VPS13B: variants seen among roughly 807,000 people sequenced by gnomAD.
VPS13B encodes the protein intermembrane lipid transfer protein VPS13B.
In VPS13B, 285 loss-of-function variants were observed where a neutral mutation model predicts 426.4. The observed-to-expected ratio is 0.67, with a 90% CI of 0.61 to 0.74. VPS13B has a LOEUF of 0.74. Ranked by LOEUF, VPS13B falls within the 30% of genes least tolerant of loss-of-function variation. The pLI is 0.00. For missense variants in VPS13B, 4,537 were observed against 4,782.6 expected (o/e 0.95, Z 1.51); for synonymous variants, 1,676 against 1,676.4 (o/e 1.00, Z 0.01).
intron 36 of VPS13B, among the ~76,000 whole-genome samples, chr8:99,710,973 C>T (rs771117529): frequency 1.3e-5 from 2 of 152,062 alleles, no homozygotes; most frequent in Non-Finnish European, 1.5e-5. Flanking sequence ...CACTGTACAC[C>T]AGCCTGGGCG....
At chr8:99,023,819 A>G (rs932508096) in intron 2 of VPS13B, among the ~76,000 whole-genome samples, 2 of 152,176 alleles carry the variant, frequency 1.3e-5, no homozygotes, top group African/African-American at 4.8e-5. Context: ...TTGTAGATGG[A>G]TAGTTAGGTT....
At chr8:99,248,239 G>A (rs984555439) in intron 17 of VPS13B, among the ~76,000 whole-genome samples, 5 of 152,114 alleles carry the variant, frequency 3.3e-5, no homozygotes, top group African/African-American at 1.2e-4. Flanking sequence ...GTGTGGCTGG[G>A]TTACGAAAGA....
At chr8:99,271,265 G>A (rs1441937462) in intron 17 of VPS13B, among the ~76,000 whole-genome samples, 1 of 151,062 alleles carries the variant, frequency 6.6e-6, no homozygotes, top group Non-Finnish European at 1.5e-5. Flanking sequence ...GATTGTATTA[G>A]CATTTTTGGC....
intron 33 of VPS13B, among the ~76,000 whole-genome samples, chr8:99,611,589 T>A (rs893031575): frequency 4.6e-5 from 7 of 151,970 alleles, no homozygotes; most frequent in African/African-American, 1.7e-4. Context: ...AAGCTTTGGA[T>A]GTGGCAATCA....
chr8:99,634,119 C>A (rs1828975197), intron 33 of VPS13B, among the ~76,000 whole-genome samples: 1 of 151,822 alleles, frequency 6.6e-6, no homozygotes, highest in South Asian at 2.1e-4. Flanking sequence ...TATAAAGGGA[C>A]AAACACACAC....
intron 17 of VPS13B, among the ~76,000 whole-genome samples, chr8:99,205,570 A>G (rs1046950893): frequency 1.3e-5 from 2 of 152,072 alleles, no homozygotes; most frequent in African/African-American, 2.4e-5. Context: ...TCTGCTTAGC[A>G]TTTTTCATCT....
At chr8:99,114,461 A>G (rs1177278513) in intron 6 of VPS13B, among the ~76,000 whole-genome samples, 1 of 152,228 alleles carries the variant, frequency 6.6e-6, no homozygotes, top group African/African-American at 2.4e-5. Flanking sequence ...TTAAAAAGAT[A>G]CTTATGACAG....
chr8:99,195,992 C>G (rs1369395742), intron 17 of VPS13B, among the ~76,000 whole-genome samples: 5 of 152,036 alleles, frequency 3.3e-5, no homozygotes, highest in Non-Finnish European at 4.4e-5. Flanking sequence ...AGTGTGATTT[C>G]TTCAGCTTTA....
chr8:99,072,310 G>C (rs1844892727), intron 3 of VPS13B, among the ~76,000 whole-genome samples: 1 of 152,158 alleles, frequency 6.6e-6, no homozygotes, highest in South Asian at 2.1e-4. Context: ...ATCCTGCCAA[G>C]ACTGGTTCCT....
At chr8:99,570,834 G>A (rs1825436856) in intron 31 of VPS13B, among the ~76,000 whole-genome samples, 1 of 152,084 alleles carries the variant, frequency 6.6e-6, no homozygotes, top group South Asian at 2.1e-4. Context: ...GTTTCTGACA[G>A]ATGCCCCAGG....
chr8:99,588,414 G>A (rs1024942074), intron 33 of VPS13B, among the ~76,000 whole-genome samples: 20 of 151,652 alleles, frequency 1.3e-4, no homozygotes, highest in Non-Finnish European at 1.9e-4. Flanking sequence ...TGGACAGTAT[G>A]GCCATTTTCA....
intron 16 of VPS13B, among the ~76,000 whole-genome samples, chr8:99,186,394 T>C (rs1173740586): frequency 2.0e-5 from 3 of 152,082 alleles, no homozygotes; most frequent in African/African-American, 7.2e-5. Flanking sequence ...TTAAATAAAG[T>C]TGTAAAAGCT....
chr8:99,097,008 G>C (rs1008296640), intron 4 of VPS13B, among the ~76,000 whole-genome samples: 4 of 152,150 alleles, frequency 2.6e-5, no homozygotes, highest in African/African-American at 9.7e-5. Context: ...GTCTGGAGAA[G>C]ACCTATCTGC....
chr8:99,411,981 G>A (rs542059812), intron 21 of VPS13B, among the ~76,000 whole-genome samples: 11 of 152,296 alleles, frequency 7.2e-5, no homozygotes, highest in African/African-American at 2.4e-4. Context: ...TTCAAGTAGT[G>A]TGATGCCTCC....
chr8:99,031,462 T>G (rs1348113661), intron 2 of VPS13B, among the ~76,000 whole-genome samples: 1 of 152,186 alleles, frequency 6.6e-6, no homozygotes, highest in Non-Finnish European at 1.5e-5. Context: ...TTTCCATGCC[T>G]TTTCGTGTTT....
intron 16 of VPS13B, among the ~76,000 whole-genome samples, chr8:99,187,448 T>C (rs906280604): frequency 6.6e-6 from 1 of 152,232 alleles, no homozygotes; most frequent in African/African-American, 2.4e-5. Flanking sequence ...TTTTGATCTC[T>C]ACTACTTTAC....
chr8:99,514,932 G>A (rs894074342), intron 29 of VPS13B, among the ~76,000 whole-genome samples: 2 of 152,190 alleles, frequency 1.3e-5, no homozygotes, highest in South Asian at 4.1e-4. Flanking sequence ...CCAATGTGCA[G>A]GCATAGTTCA....
intron 23 of VPS13B, among the ~76,000 whole-genome samples, chr8:99,458,202 A>G (rs1410612301): frequency 6.6e-6 from 1 of 151,952 alleles, no homozygotes; most frequent in African/African-American, 2.4e-5. Context: ...TTTGCTGAGA[A>G]TGATGGTTTC....
chr8:99,705,066 A>G (rs1267725423), intron 36 of VPS13B, among the ~76,000 whole-genome samples: 1 of 152,120 alleles, frequency 6.6e-6, no homozygotes, highest in Non-Finnish European at 1.5e-5. Context: ...ACTGAGTACC[A>G]CTATTAATCC....
Sources: gnomAD v4.1 joint callset for allele counts (sites outside exome capture counted in the v4.1 genomes callset) on GRCh38, gnomAD v4.1.1 for gene constraint, MANE v1.5 for transcripts, NCBI Gene and HGNC (gene_info 2026-07-23, HGNC 2026-07-21) for gene names.